The following OXR1 variants were observed in gnomAD, a reference collection of about 807,000 sequenced individuals.
OXR1 encodes the protein oxidation resistance protein 1.
A neutral mutation model predicts 104.6 loss-of-function variants in OXR1; 41 were observed. That is an observed-to-expected ratio of 0.39 (90% CI 0.31 to 0.51). The LOEUF (loss-of-function observed/expected upper bound fraction) is 0.51, where lower values mean the gene tolerates loss of function less well. OXR1 is among the 20% of genes least tolerant of loss of function. OXR1 has a pLI of 0.77. For synonymous variants in OXR1, 348 were observed against 348.4 expected (o/e 1.00, Z 0.01); for missense variants, 955 against 1,031.9 (o/e 0.93, Z 1.02).
chr8:106,328,125 A>G (rs368465557), intron 1 of OXR1, among the ~76,000 whole-genome samples: 2 of 152,306 alleles, frequency 1.3e-5, no homozygotes, highest in East Asian at 3.9e-4. Context: ...CATGGCAGCA[A>G]ATTGGCCCCT....
intron 3 of OXR1, among the ~76,000 whole-genome samples, chr8:106,596,176 T>A (rs1819513127): frequency 6.6e-6 from 1 of 152,100 alleles, no homozygotes; most frequent in Non-Finnish European, 1.5e-5. Flanking sequence ...CTGGATGCAG[T>A]GGCTCACATC....
intron 3 of OXR1, among the ~76,000 whole-genome samples, chr8:106,547,297 A>T (rs951497439): frequency 6.6e-6 from 1 of 150,812 alleles, no homozygotes; most frequent in Non-Finnish European, 1.5e-5. Flanking sequence ...TGCCCATTAA[A>T]CTCCCCATTC....
chr8:106,385,539 C>G (rs1401724424), intron 2 of OXR1, among the ~76,000 whole-genome samples: 1 of 152,080 alleles, frequency 6.6e-6, no homozygotes, highest in Admixed American at 6.6e-5. Flanking sequence ...AGGCAGTGTT[C>G]CAAGTACTTT....
intron 3 of OXR1, among the ~76,000 whole-genome samples, chr8:106,616,234 T>C (rs1050480460): frequency 7.0e-6 from 1 of 143,146 alleles, no homozygotes; most frequent in Admixed American, 6.9e-5. Context: ...TTTTTTTTTT[T>C]TTTTTTTTTG....
intron 1 of OXR1, among the ~76,000 whole-genome samples, chr8:106,296,878 A>C (rs1311160758): frequency 6.6e-6 from 1 of 152,212 alleles, no homozygotes; most frequent in East Asian, 1.9e-4. Flanking sequence ...TATAATGGTC[A>C]TGTATTTATT....
intron 3 of OXR1, among the ~76,000 whole-genome samples, chr8:106,678,882 T>C (rs987562905): frequency 7.9e-5 from 12 of 152,078 alleles, no homozygotes; most frequent in African/African-American, 2.4e-4. Flanking sequence ...ATAATGTATC[T>C]TAAAATGTGT....
At chr8:106,545,528 C>A (rs1815287549) in intron 3 of OXR1, among the ~76,000 whole-genome samples, 1 of 152,162 alleles carries the variant, frequency 6.6e-6, no homozygotes, top group Non-Finnish European at 1.5e-5. Context: ...TCCAGACACA[C>A]AAGCATACTG....
intron 3 of OXR1, among the ~76,000 whole-genome samples, chr8:106,660,360 T>C (rs1248301078): frequency 6.6e-6 from 1 of 152,252 alleles, no homozygotes; most frequent in East Asian, 1.9e-4. Context: ...TCAGTCTGTT[T>C]GAAGGATTTC....
chr8:106,629,318 G>C (rs1222289526), intron 3 of OXR1, among the ~76,000 whole-genome samples: 1 of 151,936 alleles, frequency 6.6e-6, no homozygotes, highest in Non-Finnish European at 1.5e-5. Context: ...TTTCTGAGAG[G>C]TTGGCAAATG....
At chr8:106,503,810 C>A (rs913670878) in intron 2 of OXR1, among the ~76,000 whole-genome samples, 1 of 152,080 alleles carries the variant, frequency 6.6e-6, no homozygotes, top group Non-Finnish European at 1.5e-5. Context: ...AACTGTCCTG[C>A]AAGAATCTTA....
intron 2 of OXR1, among the ~76,000 whole-genome samples, chr8:106,419,421 C>T (rs1034421765): frequency 1.3e-5 from 2 of 152,088 alleles, no homozygotes; most frequent in Admixed American, 6.6e-5. Context: ...AAAGAACATC[C>T]CAGTTCCTGG....
At chr8:106,391,368 C>T (rs983014559) in intron 2 of OXR1, among the ~76,000 whole-genome samples, 5 of 150,578 alleles carry the variant, frequency 3.3e-5, no homozygotes, top group African/African-American at 9.8e-5. Context: ...TAAGAATTTA[C>T]GTTGATGGTA....
At chr8:106,296,611 A>G (rs555946934) in intron 1 of OXR1, among the ~76,000 whole-genome samples, 1 of 152,292 alleles carries the variant, frequency 6.6e-6, no homozygotes, top group South Asian at 2.1e-4. Context: ...TAAGCTTCCT[A>G]TGATTGACTG....
chr8:106,547,465 A>G (rs570164304), intron 3 of OXR1, among the ~76,000 whole-genome samples: 19 of 149,964 alleles, frequency 1.3e-4, no homozygotes, highest in African/African-American at 4.4e-4. Context: ...ATTTTGTACA[A>G]TGTGTTAGAA....
intron 6 of OXR1, among the ~76,000 whole-genome samples, chr8:106,685,004 G>T (rs1306698611): frequency 1.3e-5 from 2 of 151,656 alleles, no homozygotes; most frequent in Non-Finnish European, 2.9e-5. Flanking sequence ...TCCTTGCCTG[G>T]GAACTTTTTT....
At chr8:106,700,107 C>G (rs1830454559) in intron 7 of OXR1, among the ~76,000 whole-genome samples, 2 of 151,890 alleles carry the variant, frequency 1.3e-5, no homozygotes, top group African/African-American at 4.8e-5. Flanking sequence ...GGTAATTGCA[C>G]GTAAGGAAAT....
chr8:106,322,048 A>G (rs1336134643), intron 1 of OXR1, among the ~76,000 whole-genome samples: 1 of 152,204 alleles, frequency 6.6e-6, no homozygotes, highest in African/African-American at 2.4e-5. Flanking sequence ...AATATGCCTG[A>G]ATTTTAGCTC....
At chr8:106,342,072 G>C (rs1413664017) in intron 1 of OXR1, among the ~76,000 whole-genome samples, 1 of 147,610 alleles carries the variant, frequency 6.8e-6, no homozygotes, top group South Asian at 2.1e-4. Context: ...TTTTTTTGTT[G>C]TAGAGATGGT....
At chr8:106,290,040 C>A (rs1277955233) in intron 1 of OXR1, among the ~76,000 whole-genome samples, 1 of 152,166 alleles carries the variant, frequency 6.6e-6, no homozygotes, top group Non-Finnish European at 1.5e-5. Context: ...GTCAATTAAA[C>A]CTCTTTCCTT....
Sources: allele counts gnomAD v4.1 joint callset (sites outside exome capture counted in the v4.1 genomes callset), GRCh38; gene constraint gnomAD v4.1.1; transcripts MANE v1.5; gene names NCBI Gene and HGNC (gene_info 2026-07-23, HGNC 2026-07-21).